Variants in ADAMTS17 observed in about 807,000 individuals in gnomAD.
The protein encoded by ADAMTS17 is ADAM metallopeptidase with thrombospondin type 1 motif 17.
A neutral mutation model predicts 141.5 loss-of-function variants in ADAMTS17; 113 were observed. That is an observed-to-expected ratio of 0.80 (90% CI 0.69 to 0.93). The LOEUF is 0.93. Ranked by LOEUF, ADAMTS17 falls within the 40% of genes least tolerant of loss-of-function variation. The pLI is 0.00. For missense variants in ADAMTS17, 1,659 were observed against 1,517.9 expected (o/e 1.09, Z -1.54); for synonymous variants, 768 against 630.6 (o/e 1.22, Z -3.27).
intron 10 of ADAMTS17, among the ~76,000 whole-genome samples, chr15:100,139,085 G>A (rs944583334): frequency 6.6e-6 from 1 of 152,056 alleles, no homozygotes; most frequent in Admixed American, 6.6e-5. Context: ...CATTAAAAAG[G>A]GCGAAACAGA....
intron 11 of ADAMTS17, 140 bp downstream of exon 11, chr15:100,133,074 G>A: frequency 1.4e-6 from 1 of 711,848 alleles, no homozygotes; most frequent in Non-Finnish European, 2.3e-6. Context: ...GCCCGGAGTG[G>A]CCTCCATGGG....
intron 2 of ADAMTS17, among the ~76,000 whole-genome samples, chr15:100,335,040 G>A (rs1487570217): frequency 6.6e-6 from 1 of 152,058 alleles, no homozygotes; most frequent in Non-Finnish European, 1.5e-5. Context: ...CTCTCAGCCA[G>A]TGACCCTCAG....
At chr15:99,995,573 G>A (rs1363878915) in intron 19 of ADAMTS17, among the ~76,000 whole-genome samples, 1 of 152,168 alleles carries the variant, frequency 6.6e-6, no homozygotes, top group Non-Finnish European at 1.5e-5. Context: ...CCTTCCTTCT[G>A]GATATTTGAT....
Position 100,266,965 on chromosome 15 carries a change from T to G in ADAMTS17, c.790-4530A>C, listed in dbSNP as rs146754160. Among the ~76,000 whole-genome samples the G allele has an allele frequency of 4.3e-3, 657 of 152,256 alleles. 4 individuals are homozygous for G. Among genetic ancestry groups the G allele is most frequent in the Non-Finnish European group, 7.1e-3 (482 of 68,010 alleles). ...TAAGTACCCAGTAAATCAATCTGAG[T>G]AGAATCAGTCAATTGTTTTTGTATT... On this transcript the variant is annotated intron_variant, in intron 4 of 21. Coordinates refer to ENST00000268070, the MANE Select transcript of ADAMTS17 (RefSeq NM_139057.4).
In ADAMTS17 at chr15:100,096,445, G is replaced by A. The variant is rs753145714; in HGVS notation, c.2048C>T (p.Ala683Val). The A allele has an allele frequency of 1.2e-6, 2 of 1,614,142 alleles. No homozygotes were observed. The highest frequency in any genetic ancestry group is 1.7e-6 in the Non-Finnish European group (2 of 1,180,032). The part of the protein sequence containing the change: ...KIGCDGIIGS[A>V]AKEDRCGVCS... Reference sequence around the variant, plus strand: ...GACCCCGCATCTGTCCTCTTTGGCTGCAGACCCGATGATGCCGTCACAGCC... The same window carrying A: ...GACCCCGCATCTGTCCTCTTTGGCTACAGACCCGATGATGCCGTCACAGCC... The change falls in exon 15 of 22, where the codon GCA becomes GTA. Residue 683 changes from alanine to valine, a missense_variant. By Grantham distance (64) the Ala-to-Val change is moderately conservative. Coordinates refer to ENST00000268070, the MANE Select transcript of ADAMTS17 (RefSeq NM_139057.4).
At chr15:100,095,298 T>C (rs1315530690) in intron 15 of ADAMTS17, among the ~76,000 whole-genome samples, 3 of 152,238 alleles carry the variant, frequency 2.0e-5, no homozygotes, top group African/African-American at 7.2e-5. Context: ...TTGCATTTCC[T>C]CTGGTTTTGC....
intron 7 of ADAMTS17, among the ~76,000 whole-genome samples, chr15:100,237,893 G>T (rs2042708488): frequency 6.6e-6 from 1 of 152,170 alleles, no homozygotes; most frequent in Admixed American, 6.5e-5. Context: ...CAAAGTGCTG[G>T]GATTACAGGT....
chr15:100,033,344 G>C (rs1027756889), intron 18 of ADAMTS17, among the ~76,000 whole-genome samples: 2 of 152,216 alleles, frequency 1.3e-5, no homozygotes, highest in Admixed American at 6.5e-5. Context: ...TCACACAGCT[G>C]CTGATGTTGA....
At chr15:100,195,487 T>C (rs528086492) in intron 8 of ADAMTS17, among the ~76,000 whole-genome samples, 44 of 152,166 alleles carry the variant, frequency 2.9e-4, no homozygotes, top group African/African-American at 1.1e-3. Context: ...ATGGAGCCTG[T>C]TCCATGTTTC....
intron 14 of ADAMTS17, among the ~76,000 whole-genome samples, chr15:100,098,662 C>CA (rs60619181): frequency 0.41 from 59,608 of 143,806 alleles, 12,033 homozygotes; most frequent in African/African-American, 0.46. Context: ...GAGTCCGTCT[C>CA]AAAAAAAAAA....
intron 15 of ADAMTS17, among the ~76,000 whole-genome samples, chr15:100,089,617 T>C (rs2035323955): frequency 1.3e-5 from 2 of 151,590 alleles, no homozygotes; most frequent in Admixed American, 6.6e-5. Flanking sequence ...ATTAAGAAAA[T>C]GTGGCACATA....
intron 7 of ADAMTS17, among the ~76,000 whole-genome samples, chr15:100,201,549 A>T (rs1164299585): frequency 6.6e-6 from 1 of 152,246 alleles, no homozygotes; most frequent in African/African-American, 2.4e-5. Flanking sequence ...AAAGGCGCAG[A>T]GGAAGCTCAC....
At chr15:100,064,576 G>C (rs557474023) in intron 15 of ADAMTS17, among the ~76,000 whole-genome samples, 1 of 152,244 alleles carries the variant, frequency 6.6e-6, no homozygotes, top group South Asian at 2.1e-4. Context: ...ACCCTATGAC[G>C]AAACTACAGT....
Position 100,341,204 on chromosome 15 carries a change from C to T in ADAMTS17, c.285G>A (p.Gln95=), listed in dbSNP as rs539944129. ...LPAFGRDLYL[Q]LRRDLRFLSR... ...ACAGGAAGCGCAGGTCGCGGCGCAG[C>T]TGAAGGTACAGGTCGCGCCCGAAGG... The change falls in exon 2 of 22, where the codon CAG becomes CAA. Residue 95 remains glutamine (Q), a synonymous_variant. Transcript: ENST00000268070. 60 of 1,460,810 alleles carry T rather than the reference C, an allele frequency of 4.1e-5. No individual in the cohort carries two copies. The African/African-American group carries it at 6.5e-4, about 16-fold the overall frequency. 90.5% of individuals were successfully genotyped at this position (1,460,810 alleles called of 1,614,324 possible).
At chr15:100,167,626 G>T (rs1353432427) in intron 8 of ADAMTS17, among the ~76,000 whole-genome samples, 1 of 152,178 alleles carries the variant, frequency 6.6e-6, no homozygotes, top group Non-Finnish European at 1.5e-5. Flanking sequence ...GACCCCCGAG[G>T]CACCTTCCTA....
Position 100,341,136 on chromosome 15 carries a change from C to A in ADAMTS17, c.353G>T (p.Arg118Leu). The A allele has an allele frequency of 7.0e-7, 1 of 1,432,074 alleles. No individual in the cohort carries two copies. The highest frequency in any genetic ancestry group is 2.9e-5 in the Admixed American group (1 of 34,322). The allele number at this position is 1,432,074 out of a possible 1,614,324, so 88.7% of individuals were successfully genotyped here. ...EVEEAGAARR[R>L]GRPAELCFYS... The stretch of plus-strand genomic sequence containing the variant: ...GAAGCACAGCTCGGCGGGGCGGCCG[C>A]GGCGCCGGGCCGCGCCCGCCTCCTC... The change falls in exon 2 of 22, where the codon CGC becomes CTC. Residue 118 changes from arginine (R) to leucine (L), a missense_variant. Arg to Leu is a moderately radical substitution (Grantham distance 102, BLOSUM62 -2). Transcript: ENST00000268070.
intron 3 of ADAMTS17, among the ~76,000 whole-genome samples, chr15:100,294,220 T>C (rs142355645): frequency 2.6e-5 from 4 of 152,272 alleles, no homozygotes; most frequent in Non-Finnish European, 5.9e-5. Flanking sequence ...AAGTACTGAT[T>C]TGAAAATTTT....
At chr15:100,176,382 T>A (rs117295266) in intron 8 of ADAMTS17, among the ~76,000 whole-genome samples, 1 of 152,070 alleles carries the variant, frequency 6.6e-6, no homozygotes, top group Non-Finnish European at 1.5e-5. Context: ...TAAAAAAAAA[T>A]ACAGATGCCT....
At chr15:100,325,433 G>A (rs908684074) in intron 3 of ADAMTS17, among the ~76,000 whole-genome samples, 1 of 152,214 alleles carries the variant, frequency 6.6e-6, no homozygotes, top group East Asian at 1.9e-4. Context: ...GACATGCAGA[G>A]AGATAAGACC....
Sources: gnomAD v4.1 joint callset for allele counts (sites outside exome capture counted in the v4.1 genomes callset) on GRCh38, gnomAD v4.1.1 for gene constraint, MANE v1.5 for transcripts, NCBI Gene and HGNC (gene_info 2026-07-23, HGNC 2026-07-21) for gene names.